Variants in NCK2 observed in about 807,000 individuals in gnomAD.
NCK2 encodes cytoplasmic protein NCK2.
Under a neutral mutation model 33.9 loss-of-function variants are expected in NCK2, and 16 were observed. The ratio of observed to expected loss-of-function variants is 0.47; its 90% CI spans 0.32 to 0.72. The LOEUF is 0.72. Among genes scored for constraint, NCK2 ranks in the 30% least tolerant of loss-of-function variants. NCK2 has a pLI of 0.03. For synonymous variants in NCK2, 273 were observed against 239.9 expected (o/e 1.14, Z -1.27); for missense variants, 418 against 537.3 (o/e 0.78, Z 2.19).
chr2:105,890,613 C>G (rs1678929763), intron 4 of NCK2, among the ~76,000 whole-genome samples: 1 of 152,196 alleles, frequency 6.6e-6, no homozygotes, highest in South Asian at 2.1e-4. Context: ...AAGGTTTGTT[C>G]TTATTTGGTC....
chr2:105,873,975 C>T (rs1375879201), intron 3 of NCK2, among the ~76,000 whole-genome samples: 1 of 152,182 alleles, frequency 6.6e-6, no homozygotes, highest in Non-Finnish European at 1.5e-5. Context: ...CATGGGCCTT[C>T]CCCCATGGCC....
At chr2:105,783,000 A>C (rs559536136) in intron 1 of NCK2, among the ~76,000 whole-genome samples, 1 of 152,180 alleles carries the variant, frequency 6.6e-6, no homozygotes, top group Admixed American at 6.5e-5. Flanking sequence ...TTGGTCGACT[A>C]TCATTTGCAA....
At chr2:105,862,751 C>T (rs540674390) in intron 3 of NCK2, among the ~76,000 whole-genome samples, 10 of 152,308 alleles carry the variant, frequency 6.6e-5, no homozygotes, top group African/African-American at 9.6e-5. Context: ...AATGGAACAT[C>T]GTCTTGGCAG....
rs953054341 is a variant in NCK2, at chr2:105,825,657, C to T, written c.-17+9044C>T. Among the ~76,000 whole-genome samples the T allele has an allele frequency of 4.6e-5, 7 of 152,280 alleles. No individual in the cohort carries two copies. The East Asian group carries it at 5.8e-4, about 13-fold the overall frequency. On this transcript the variant is annotated intron_variant, in intron 2 of 4. Transcript: ENST00000233154. The stretch of plus-strand genomic sequence containing the variant: ...CACATAGCAGAGAATGATAATTTCT[C>T]TTGTTTTATTAGAGATTTTTTACGG...
chr2:105,774,119 A>G (rs940199155), intron 1 of NCK2, among the ~76,000 whole-genome samples: 2 of 150,542 alleles, frequency 1.3e-5, no homozygotes, highest in African/African-American at 4.9e-5. Context: ...AGCAATTCTC[A>G]TGCCTCAGCT....
At chr2:105,875,036 A>G (rs879134806) in intron 3 of NCK2, among the ~76,000 whole-genome samples, 26 of 152,172 alleles carry the variant, frequency 1.7e-4, no homozygotes, top group Admixed American at 1.7e-3. Context: ...TGCAGTACAC[A>G]TGTTATTTTA....
rs143441756 is a variant in NCK2, at chr2:105,862,148, C to T, written c.226+6859C>T. 1.6e-4 allele frequency among the ~76,000 whole-genome samples: 24 copies of T among 152,206 alleles called. No individual in the cohort carries two copies. The East Asian group carries it at 2.7e-3, about 17-fold the overall frequency. On this transcript the variant is annotated intron_variant, in intron 3 of 4. Coordinates refer to ENST00000233154, the MANE Select transcript of NCK2 (RefSeq NM_003581.5). ...ATACAGCACTTTGCAATTTACCAGG[C>T]GGCTTAACACTTACAGGCATTTTTT...
intron 1 of NCK2, among the ~76,000 whole-genome samples, chr2:105,751,782 G>A (rs749430904): frequency 2.3e-4 from 35 of 152,246 alleles, no homozygotes; most frequent in Admixed American, 1.1e-3. Context: ...AAAATGGTGC[G>A]TATGTGTGTT....
At chr2:105,864,272 G>A (rs983972756) in intron 3 of NCK2, among the ~76,000 whole-genome samples, 8 of 152,084 alleles carry the variant, frequency 5.3e-5, no homozygotes, top group Non-Finnish European at 1.0e-4. Context: ...GGTGGGGGAC[G>A]GGGCCTGAGA....
chr2:105,855,694 C>T (rs1218062714), intron 3 of NCK2: 1 of 160,664 alleles, frequency 6.2e-6, no homozygotes, highest in Non-Finnish European at 1.4e-5. Flanking sequence ...ACAGCCAAAG[C>T]ACTTTTTCCC....
intron 2 of NCK2, among the ~76,000 whole-genome samples, chr2:105,842,394 T>A (rs1200831114): frequency 6.6e-6 from 1 of 152,178 alleles, no homozygotes; most frequent in Non-Finnish European, 1.5e-5. Context: ...CTTGTTTTTT[T>A]CTCATAAAAA....
At chr2:105,875,053 T>C (rs1052486588) in intron 3 of NCK2, among the ~76,000 whole-genome samples, 1 of 152,226 alleles carries the variant, frequency 6.6e-6, no homozygotes, top group South Asian at 2.1e-4. Flanking sequence ...TTTATTATTA[T>C]GAAATGCAGA....
intron 2 of NCK2, among the ~76,000 whole-genome samples, chr2:105,846,226 T>C (rs997662801): frequency 7.9e-5 from 12 of 152,232 alleles, no homozygotes; most frequent in African/African-American, 2.9e-4. Context: ...TCCCAGATTC[T>C]AGTTGAAGCG....
At chr2:105,875,130 G>A (rs530215013) in intron 3 of NCK2, among the ~76,000 whole-genome samples, 33 of 152,338 alleles carry the variant, frequency 2.2e-4, no homozygotes, top group Middle Eastern at 3.4e-3. Flanking sequence ...TGGTTAAGGA[G>A]TTTGTTCACA....
chr2:105,767,186 C>A (rs962475588), intron 1 of NCK2, among the ~76,000 whole-genome samples: 1 of 152,176 alleles, frequency 6.6e-6, no homozygotes, highest in Non-Finnish European at 1.5e-5. Flanking sequence ...ATTCCATATT[C>A]CCAGGTATAT....
Position 105,842,844 on chromosome 2 carries a change from AG to A in NCK2, c.-16-12198del, listed in dbSNP as rs536747909. 9.1e-4 allele frequency among the ~76,000 whole-genome samples: 105 copies of A among 115,808 alleles called. 1 individual carries two copies. Among genetic ancestry groups the A allele is most frequent in the African/African-American group, 3.5e-3 (102 of 29,162 alleles). The allele number at this position is 115,808 out of a possible 152,430, so 76.0% of individuals were successfully genotyped here. On this transcript the variant is annotated intron_variant, in intron 2 of 4. Transcript: ENST00000233154. The stretch of plus-strand genomic sequence containing the variant: ...TGTGGTTTTGGAGGAATGAGTTTTC[AG>A]GGGGGTGGACGCTGTGAGAAATATG...
chr2:105,843,259 A>G (rs1355535123), intron 2 of NCK2, among the ~76,000 whole-genome samples: 1 of 152,098 alleles, frequency 6.6e-6, no homozygotes, highest in Middle Eastern at 3.2e-3. Context: ...TTTTAATAAT[A>G]TGTGTGACCC....
At chr2:105,775,204 T>C (rs1445799696) in intron 1 of NCK2, among the ~76,000 whole-genome samples, 4 of 152,198 alleles carry the variant, frequency 2.6e-5, no homozygotes, top group African/African-American at 9.7e-5. Flanking sequence ...TAATTTGCAC[T>C]GTGTGTGGCA....
At chr2:105,889,265 G>C (rs1678861566) in intron 4 of NCK2, among the ~76,000 whole-genome samples, 1 of 152,222 alleles carries the variant, frequency 6.6e-6, no homozygotes, top group African/African-American at 2.4e-5. Context: ...GAGATGTCTG[G>C]AGCAGAGCCA....
Sources: allele counts gnomAD v4.1 joint callset (sites outside exome capture counted in the v4.1 genomes callset), GRCh38; gene constraint gnomAD v4.1.1; transcripts MANE v1.5; gene names NCBI Gene and HGNC (gene_info 2026-07-23, HGNC 2026-07-21).